IL1RAPL2: variants seen among roughly 807,000 people sequenced by gnomAD.
IL1RAPL2 encodes the protein X-linked interleukin-1 receptor accessory protein-like 2.
A neutral mutation model predicts 44.1 loss-of-function variants in IL1RAPL2; 3 were observed. The ratio of observed to expected loss-of-function variants is 0.07; its 90% confidence interval spans 0.03 to 0.18. The LOEUF is 0.18. Ranked by LOEUF, IL1RAPL2 falls within the 10% of genes least tolerant of loss-of-function variation. The probability of loss-of-function intolerance (pLI) is 1.00; values close to 1 mark genes in which losing one functional copy is unlikely to be tolerated. For synonymous variants in IL1RAPL2, 181 were observed against 178.8 expected, an observed-to-expected ratio of 1.01 and a Z score of -0.10; for missense variants, 391 against 496.4, an observed-to-expected ratio of 0.79 and a Z score of 2.02.
chrX:105,546,281 T>A (rs1266743795), intron 6 of IL1RAPL2, among the ~76,000 whole-genome samples: 3 of 112,045 alleles, frequency 2.7e-5, no homozygotes, highest in Non-Finnish European at 3.8e-5. Flanking sequence ...TTACATTTAT[T>A]CCTTCATTCG....
chrX:105,611,064 G>A (rs983748499), intron 6 of IL1RAPL2, among the ~76,000 whole-genome samples: 1 of 111,118 alleles, frequency 9.0e-6, no homozygotes, highest in African/African-American at 3.3e-5. Context: ...GTAGACCTAG[G>A]CTAATATGTG....
chrX:105,458,980 G>C (rs2036075241), intron 5 of IL1RAPL2, among the ~76,000 whole-genome samples: 1 of 111,356 alleles, frequency 9.0e-6, no homozygotes, highest in African/African-American at 3.3e-5. Context: ...CAGGGAGCTG[G>C]GGATTAGGGC....
chrX:105,376,075 T>G (rs1349755110), intron 5 of IL1RAPL2, among the ~76,000 whole-genome samples: 1 of 111,923 alleles, frequency 8.9e-6, no homozygotes, highest in Admixed American at 9.5e-5. Flanking sequence ...ACATGGGGCC[T>G]GGGCAACGAA....
chrX:105,328,980 T>A (rs949372670), intron 5 of IL1RAPL2, among the ~76,000 whole-genome samples: 1 of 112,539 alleles, frequency 8.9e-6, no homozygotes, highest in Non-Finnish European at 1.9e-5. Flanking sequence ...GTATCCTCAT[T>A]GTTAAGCAAT....
rs752999629 is a variant in IL1RAPL2, at chrX:104,766,821, A to G, written c.82+107826A>G. On this transcript the variant is annotated intron_variant, in intron 2 of 10. Transcript: ENST00000372582. The stretch of plus-strand genomic sequence containing the variant: ...ATGATGCAAATAAGCCGTTATTGTT[A>G]GGCCAAGGTTCGTTTCTATTTTTGC... Among the ~76,000 whole-genome samples, 20 of 112,221 alleles carry G rather than the reference A, an allele frequency of 1.8e-4. 1 individual carries two copies. Among genetic ancestry groups the G allele is most frequent in the Non-Finnish European group, 3.2e-4 (17 of 53,304 alleles).
intron 2 of IL1RAPL2, among the ~76,000 whole-genome samples, chrX:104,861,079 T>A (rs978946612): frequency 1.6e-4 from 18 of 111,920 alleles, no homozygotes; most frequent in African/African-American, 5.5e-4. Flanking sequence ...TTTCTAAATT[T>A]AGAAAAACTT....
At chrX:104,590,297 G>A (rs764236457) in intron 1 of IL1RAPL2, among the ~76,000 whole-genome samples, 1 of 111,681 alleles carries the variant, frequency 9.0e-6, no homozygotes, top group Non-Finnish European at 1.9e-5. Flanking sequence ...CATGTGTCTC[G>A]ATCTCTCAAA....
chrX:105,313,147 A>G (rs1431948806), intron 5 of IL1RAPL2, among the ~76,000 whole-genome samples: 4 of 111,724 alleles, frequency 3.6e-5, no homozygotes, highest in African/African-American at 9.8e-5. Flanking sequence ...CCCAGTACAC[A>G]GTACTCCTGG....
chrX:104,851,522 AAGGG>A (rs1250389381), intron 2 of IL1RAPL2, among the ~76,000 whole-genome samples: 2 of 111,623 alleles, frequency 1.8e-5, no homozygotes, highest in Admixed American at 1.9e-4. Flanking sequence ...GGACTCACCA[AAGGG>A]AGGGAGTCTG....
At chrX:104,764,739 AT>A (rs776457233) in intron 2 of IL1RAPL2, among the ~76,000 whole-genome samples, 88 of 111,642 alleles carry the variant, frequency 7.9e-4, no homozygotes, top group Admixed American at 2.8e-3. Context: ...TTCTATCCCC[AT>A]TTTTTTGGGG....
At chrX:105,059,240 G>A (rs181543147) in intron 2 of IL1RAPL2, among the ~76,000 whole-genome samples, 1 of 111,405 alleles carries the variant, frequency 9.0e-6, no homozygotes. Flanking sequence ...AACTGATTTT[G>A]TACTCATTAA....
intron 2 of IL1RAPL2, among the ~76,000 whole-genome samples, chrX:104,683,424 T>C (rs973178269): frequency 1.5e-4 from 17 of 111,966 alleles, no homozygotes; most frequent in African/African-American, 5.5e-4. Flanking sequence ...TAGGGGTTCA[T>C]TGGAGGCACT....
At chrX:105,256,829 A>G (rs890245888) in intron 4 of IL1RAPL2, among the ~76,000 whole-genome samples, 7 of 110,677 alleles carry the variant, frequency 6.3e-5, no homozygotes, top group Admixed American at 1.9e-4. Context: ...CCTTCATCCA[A>G]TTGTGTTTAT....
intron 2 of IL1RAPL2, among the ~76,000 whole-genome samples, chrX:104,787,871 G>T (rs758237613): frequency 8.9e-6 from 1 of 111,944 alleles, no homozygotes; most frequent in Non-Finnish European, 1.9e-5. Context: ...AGTTTTAGAT[G>T]CACAGAGCCA....
chrX:104,728,340 T>C (rs1303389221), intron 2 of IL1RAPL2, among the ~76,000 whole-genome samples: 1 of 111,197 alleles, frequency 9.0e-6, no homozygotes, highest in African/African-American at 3.3e-5. Flanking sequence ...GCCAGATGCA[T>C]GAAGCAATGG....
chrX:105,258,207 T>C (rs1367483781), intron 4 of IL1RAPL2, among the ~76,000 whole-genome samples: 1 of 112,032 alleles, frequency 8.9e-6, no homozygotes, highest in African/African-American at 3.2e-5. Flanking sequence ...TGGTTGGGTA[T>C]GAAATTCTTG....
Position 105,486,866 on chromosome X carries a change from G to A in IL1RAPL2, c.772+2479G>A, listed in dbSNP as rs1201820748. ...CCAGCACTTTGGGAGGCCGAGGAGG[G>A]CAGATCACAAGGTCAGGAGATCGAG... is the stretch of plus-strand genomic sequence containing the variant. On this transcript the variant is annotated intron_variant, in intron 6 of 10. Transcript: ENST00000372582. Among the ~76,000 whole-genome samples, 3 of 109,550 alleles carry A rather than the reference G, an allele frequency of 2.7e-5. No individual in the cohort carries two copies. In the East Asian group the frequency reaches 8.6e-4, roughly 31 times the overall value.
intron 2 of IL1RAPL2, among the ~76,000 whole-genome samples, chrX:104,791,168 G>C (rs1602729117): frequency 9.2e-6 from 1 of 108,509 alleles, no homozygotes; most frequent in South Asian, 4.1e-4. Context: ...TGCCTTGCCT[G>C]CCCTGCCTTG....
At chrX:105,089,655 A>T (rs1413821900) in intron 2 of IL1RAPL2, among the ~76,000 whole-genome samples, 1 of 111,832 alleles carries the variant, frequency 8.9e-6, no homozygotes, top group Non-Finnish European at 1.9e-5. Flanking sequence ...TCATACTATA[A>T]CAAGGAAAAC....
Sources: gnomAD v4.1 joint callset for allele counts (sites outside exome capture counted in the v4.1 genomes callset) on GRCh38, gnomAD v4.1.1 for gene constraint, MANE v1.5 for transcripts, NCBI Gene and HGNC (gene_info 2026-07-23, HGNC 2026-07-21) for gene names.